FAM178B: variants seen among roughly 807,000 people sequenced by gnomAD.
The protein encoded by FAM178B is family with sequence similarity 178 member B.
Under a neutral mutation model 91.7 loss-of-function variants are expected in FAM178B, and 82 were observed. The ratio of observed to expected loss-of-function variants is 0.89; its 90% confidence interval spans 0.75 to 1.07. FAM178B has a LOEUF of 1.07. Ranked by LOEUF, FAM178B falls within the 50% of genes least tolerant of loss-of-function variation. The pLI, the probability that FAM178B is intolerant of heterozygous loss-of-function variation, is 0.00. For missense variants in FAM178B, 769 were observed against 846.7 expected (o/e 0.91, Z 1.14); for synonymous variants, 368 against 359.4 (o/e 1.02, Z -0.27).
chr2:96,915,715 C>G (rs1387822115), intron 12 of FAM178B, among the ~76,000 whole-genome samples: 1 of 151,262 alleles, frequency 6.6e-6, no homozygotes, highest in Non-Finnish European at 1.5e-5. Flanking sequence ...ACTTGGGAGG[C>G]TGAGGCAGGA....
At chr2:96,963,709 T>C (rs2082111141) in intron 5 of FAM178B, among the ~76,000 whole-genome samples, 1 of 152,250 alleles carries the variant, frequency 6.6e-6, no homozygotes, top group Admixed American at 6.5e-5. Context: ...GGCCTGTTTC[T>C]GCAACAAGGG....
At chr2:96,914,329 T>G in intron 12 of FAM178B, among the ~76,000 whole-genome samples, 1 of 147,398 alleles carries the variant, frequency 6.8e-6, no homozygotes, top group Non-Finnish European at 1.5e-5. Context: ...AAGGGGGGAG[T>G]CTCCTACCAA....
chr2:96,942,402 A>AT (rs1035606604), intron 8 of FAM178B, among the ~76,000 whole-genome samples: 3 of 151,906 alleles, frequency 2.0e-5, no homozygotes, highest in African/African-American at 7.3e-5. Flanking sequence ...AGCCAAAACA[A>AT]TTTTTTTTCA....
chr2:96,925,921 T>C (rs57993098), intron 9 of FAM178B, among the ~76,000 whole-genome samples: 3,814 of 152,312 alleles, frequency 0.025, 142 homozygotes, highest in African/African-American at 0.086. Context: ...CTTTAATCAA[T>C]TGCCCCCTCA....
At chr2:96,915,856 C>T (rs1250096116) in intron 12 of FAM178B, among the ~76,000 whole-genome samples, 2 of 151,692 alleles carry the variant, frequency 1.3e-5, no homozygotes, top group Non-Finnish European at 2.9e-5. Context: ...AAGCCCTAGG[C>T]AACCAAAAAC....
intron 4 of FAM178B, 72 bp downstream of exon 4, chr2:96,970,644 G>T: frequency 8.4e-7 from 1 of 1,188,444 alleles, no homozygotes; most frequent in Non-Finnish European, 1.2e-6. Flanking sequence ...ACCAGACTCT[G>T]CAGTGAGTCC....
chr2:96,896,678 T>C (rs1200357656), intron 13 of FAM178B, among the ~76,000 whole-genome samples: 4 of 152,146 alleles, frequency 2.6e-5, no homozygotes, highest in African/African-American at 9.7e-5. Context: ...AATCCTGGCT[T>C]CCTCCTCACC....
intron 7 of FAM178B, among the ~76,000 whole-genome samples, chr2:96,948,634 G>C (rs1276788900): frequency 2.6e-5 from 4 of 152,222 alleles, no homozygotes; most frequent in Non-Finnish European, 4.4e-5. Flanking sequence ...TTCCTCCCCA[G>C]TACCCAGAAA....
intron 8 of FAM178B, among the ~76,000 whole-genome samples, chr2:96,945,101 T>C (rs576754106): frequency 1.8e-4 from 27 of 152,314 alleles, no homozygotes; most frequent in East Asian, 5.8e-4. Flanking sequence ...AGCGAAGTGC[T>C]TGAGGAAGGA....
chr2:96,917,804 C>T (rs1291090765), intron 12 of FAM178B, among the ~76,000 whole-genome samples: 1 of 152,116 alleles, frequency 6.6e-6, no homozygotes, highest in African/African-American at 2.4e-5. Flanking sequence ...TGCAGTGAGC[C>T]ATGATGGTAC....
intron 12 of FAM178B, among the ~76,000 whole-genome samples, chr2:96,911,075 C>CT (rs961674832): frequency 5.3e-5 from 8 of 151,310 alleles, no homozygotes; most frequent in Admixed American, 2.0e-4. Context: ...GCCCTAGAAT[C>CT]TTTTTTTTTA....
At chr2:96,950,263 G>A (rs577122576) in intron 7 of FAM178B, among the ~76,000 whole-genome samples, 1 of 152,324 alleles carries the variant, frequency 6.6e-6, no homozygotes, top group South Asian at 2.1e-4. Flanking sequence ...CACCGCCAGC[G>A]TGGGGAATAA....
rs1330085324 is a variant in FAM178B at position 96,972,216 on chromosome 2, G to A, written c.249C>T (p.Cys83=). 5 of 1,542,634 alleles carry A rather than the reference G, an allele frequency of 3.2e-6. No homozygotes were observed. Among genetic ancestry groups the A allele is most frequent in the East Asian group, 2.4e-5 (1 of 40,892 alleles). Residue 83 remains cysteine, a synonymous_variant, in exon 3 of 17, where the codon TGC becomes TGT. Transcript: ENST00000490605. ...TGGGAGCTGGAGCCGAGGCAGGGCTGCAGGGCCGCCGGGCAGGGCAGCGGG... is the reference window on the plus strand; with the variant it reads ...TGGGAGCTGGAGCCGAGGCAGGGCTACAGGGCCGCCGGGCAGGGCAGCGGG... ...QGPRCPARRP[C]SPASAPAPTS... is the part of the protein sequence containing the mutation.
intron 13 of FAM178B, among the ~76,000 whole-genome samples, chr2:96,895,688 C>G (rs1223635902): frequency 6.6e-6 from 1 of 152,194 alleles, no homozygotes; most frequent in African/African-American, 2.4e-5. Flanking sequence ...GGGAGCAGAT[C>G]CAGGGTAGTT....
chr2:96,984,996 C>A (rs1222000687), intron 1 of FAM178B, among the ~76,000 whole-genome samples: 1 of 152,114 alleles, frequency 6.6e-6, no homozygotes, highest in Non-Finnish European at 1.5e-5. Context: ...GCCAAGTGAA[C>A]GATGACACAA....
intron 1 of FAM178B, among the ~76,000 whole-genome samples, chr2:96,977,347 T>C (rs1268942049): frequency 1.5e-5 from 2 of 135,340 alleles, no homozygotes; most frequent in South Asian, 2.4e-4. Context: ...ATCACACCAC[T>C]GCACTCTGGC....
chr2:96,970,812 A>G, intron 3 of FAM178B, 35 bp from the exon 4 acceptor site: 1 of 1,414,376 alleles, frequency 7.1e-7, no homozygotes, highest in Non-Finnish European at 9.8e-7. Context: ...AGGACGACAG[A>G]GAAGTACAAA....
chr2:96,916,862 G>A (rs2081249654), intron 12 of FAM178B, among the ~76,000 whole-genome samples: 2 of 152,104 alleles, frequency 1.3e-5, no homozygotes, highest in Admixed American at 6.6e-5. Flanking sequence ...ACAGCCCTTC[G>A]TACACCAATC....
At chr2:96,973,394 T>C (rs1229198736) in intron 1 of FAM178B, among the ~76,000 whole-genome samples, 4 of 152,172 alleles carry the variant, frequency 2.6e-5, no homozygotes, top group Middle Eastern at 3.4e-3. Flanking sequence ...TGGCCCACAG[T>C]AGGTATTTGT....
Sources: gnomAD v4.1 joint callset for allele counts (sites outside exome capture counted in the v4.1 genomes callset) on GRCh38, gnomAD v4.1.1 for gene constraint, MANE v1.5 for transcripts, NCBI Gene and HGNC (gene_info 2026-07-23, HGNC 2026-07-21) for gene names.